Variants in DCAF8L2 observed in about 807,000 individuals in gnomAD.
The protein encoded by DCAF8L2 is DDB1- and CUL4-associated factor 8-like protein 2.
For missense variants in DCAF8L2, 430 were observed against 490.7 expected (o/e 0.88, Z 1.17); for synonymous variants, 200 against 190.9 (o/e 1.05, Z -0.39).
chrX:27,587,985 A>AAAATATATATAT, upstream of DCAF8L2, among the ~76,000 whole-genome samples: 4 of 22,354 alleles, frequency 1.8e-4, no homozygotes, highest in African/African-American at 3.9e-4. Flanking sequence ...TAAAAAAAAA[A>AAAATATATATAT]ATATATATAT....
upstream of DCAF8L2, among the ~76,000 whole-genome samples, chrX:27,588,804 G>A (rs1387399205): frequency 9.1e-6 from 1 of 110,302 alleles, no homozygotes; most frequent in Non-Finnish European, 1.9e-5. Context: ...GGGAAGAGGA[G>A]TTCATTGAAT....
At chrX:27,491,781 C>A in the DCAF8L2 span, among the ~76,000 whole-genome samples, 1 of 111,395 alleles carries the variant, frequency 9.0e-6, no homozygotes, top group Admixed American at 9.6e-5. Flanking sequence ...GCAAATCTTG[C>A]TTTTCTGATA....
intron 2 of DCAF8L2, among the ~76,000 whole-genome samples, chrX:27,639,529 C>T (rs771937823): frequency 1.6e-4 from 18 of 111,762 alleles, no homozygotes; most frequent in African/African-American, 5.8e-4. Context: ...TCACTGCATA[C>T]CTGTACCAAA....
intron 3 of DCAF8L2, among the ~76,000 whole-genome samples, chrX:27,703,963 A>G (rs1294023688): frequency 9.2e-6 from 1 of 108,312 alleles, no homozygotes; most frequent in Non-Finnish European, 1.9e-5. Flanking sequence ...AATTCGCACA[A>G]TGAGAAAAAA....
chrX:27,501,764 C>A, the DCAF8L2 span, among the ~76,000 whole-genome samples: 8 of 110,445 alleles, frequency 7.2e-5, no homozygotes, highest in African/African-American at 2.6e-4. Context: ...TTTTATGGAC[C>A]CTGGCATGGG....
the DCAF8L2 span, among the ~76,000 whole-genome samples, chrX:27,514,338 T>TACAC: frequency 9.2e-6 from 1 of 108,845 alleles, no homozygotes; most frequent in African/African-American, 3.3e-5. Flanking sequence ...TCATTTGTCA[T>TACAC]ACACACACAC....
intron 4 of DCAF8L2, among the ~76,000 whole-genome samples, chrX:27,738,391 T>C (rs1921657353): frequency 9.0e-6 from 1 of 111,636 alleles, no homozygotes; most frequent in African/African-American, 3.3e-5. Context: ...AACTTTGACT[T>C]TTCTAGGACC....
chrX:27,639,610 A>G (rs1928627683), intron 2 of DCAF8L2, among the ~76,000 whole-genome samples: 1 of 111,930 alleles, frequency 8.9e-6, no homozygotes, highest in Non-Finnish European at 1.9e-5. Flanking sequence ...TACAGGTTAC[A>G]TAGTAGCTTT....
At chrX:27,483,544 A>C in the DCAF8L2 span, among the ~76,000 whole-genome samples, 1 of 111,181 alleles carries the variant, frequency 9.0e-6, no homozygotes, top group Admixed American at 9.6e-5. Context: ...CAATATTTGA[A>C]TAGCTTTCTT....
rs750780776 is a variant in DCAF8L2, at chrX:27,747,285, G to A, written c.390G>A (p.Glu130=). 1.1e-3 allele frequency: 305 copies of A among 280,810 alleles called. 2 individuals carry two copies. In the African/African-American group the frequency reaches 0.024, roughly 22 times the overall value. 23.1% of individuals were successfully genotyped at this position (280,810 alleles called of 1,213,427 possible). The change falls in exon 5 of 5, where the codon GAG becomes GAA. Residue 130 remains glutamate (E), a synonymous_variant. Coordinates refer to ENST00000451261, the MANE Select transcript of DCAF8L2 (RefSeq NM_001353450.2). ...AGGAGGGAGGGGAGGAGGAGGAAGA[G>A]GAGGAGGAGGAGGAGGAGGAGGAGG... ...IQEEGGEEEE[E]EEEEEEEEEE...
chrX:27,613,949 G>A (rs747830828), intron 1 of DCAF8L2, among the ~76,000 whole-genome samples: 14 of 111,322 alleles, frequency 1.3e-4, no homozygotes, highest in Middle Eastern at 4.7e-3. Context: ...TTTGGTATCA[G>A]GATGATGCTG....
the DCAF8L2 span, among the ~76,000 whole-genome samples, chrX:27,469,477 A>G: frequency 9.0e-6 from 1 of 111,659 alleles, no homozygotes; most frequent in Non-Finnish European, 1.9e-5. Flanking sequence ...AGTATAAGAT[A>G]TATTTACGTC....
chrX:27,641,789 A>G (rs1179592830), intron 2 of DCAF8L2, among the ~76,000 whole-genome samples: 1 of 110,252 alleles, frequency 9.1e-6, no homozygotes, highest in African/African-American at 3.3e-5. Flanking sequence ...CTGTATTTCT[A>G]TCTTTGTTTT....
At chrX:27,469,837 C>T in the DCAF8L2 span, among the ~76,000 whole-genome samples, 10 of 107,979 alleles carry the variant, frequency 9.3e-5, no homozygotes, top group African/African-American at 3.4e-4. Flanking sequence ...TGCAATGGCT[C>T]GGCTTACTGC....
At chrX:27,634,217 C>G (rs1335419528) in intron 2 of DCAF8L2, among the ~76,000 whole-genome samples, 2 of 111,648 alleles carry the variant, frequency 1.8e-5, no homozygotes, top group Non-Finnish European at 3.8e-5. Context: ...TTTCTTCAAA[C>G]GTTACTTGGG....
At chrX:27,705,564 A>G (rs1217473406) in intron 3 of DCAF8L2, among the ~76,000 whole-genome samples, 1 of 108,180 alleles carries the variant, frequency 9.2e-6, no homozygotes, top group East Asian at 2.9e-4. Flanking sequence ...GCTTTTTTTC[A>G]TATGCTTGTT....
intron 1 of DCAF8L2, among the ~76,000 whole-genome samples, chrX:27,594,379 TC>T (rs1926254129): frequency 9.0e-6 from 1 of 111,128 alleles, no homozygotes; most frequent in African/African-American, 3.3e-5. Flanking sequence ...ATGGTATCAG[TC>T]ATTTTGTAGC....
At chrX:27,484,086 T>C in the DCAF8L2 span, among the ~76,000 whole-genome samples, 1 of 111,670 alleles carries the variant, frequency 9.0e-6, no homozygotes, top group African/African-American at 3.2e-5. Context: ...TATTAAAGGA[T>C]TTGAGTATCT....
chrX:27,524,116 C>G, the DCAF8L2 span, among the ~76,000 whole-genome samples: 87 of 111,579 alleles, frequency 7.8e-4, no homozygotes, highest in African/African-American at 2.6e-3. Flanking sequence ...ACCAGCTCCT[C>G]TTTTTACCTC....
Sources: allele counts gnomAD v4.1 joint callset (sites outside exome capture counted in the v4.1 genomes callset), GRCh38; gene constraint gnomAD v4.1.1; transcripts MANE v1.5; gene names NCBI Gene and HGNC (gene_info 2026-07-23, HGNC 2026-07-21).